DCDC2: variants seen among roughly 807,000 people sequenced by gnomAD.
DCDC2 encodes the protein doublecortin domain containing 2.
Under a neutral mutation model 50.2 loss-of-function variants are expected in DCDC2, and 40 were observed. That is an observed-to-expected ratio of 0.80 (90% CI 0.62 to 1.04). The LOEUF (loss-of-function observed/expected upper bound fraction) is 1.04. Ranked by LOEUF, DCDC2 falls within the 50% of genes least tolerant of loss-of-function variation. The pLI is 0.00. For synonymous variants in DCDC2, 234 were observed against 210.6 expected (o/e 1.11, Z -0.96); for missense variants, 570 against 581.9 (o/e 0.98, Z 0.21).
chr6:24,371,866 GA>G, the DCDC2 span, among the ~76,000 whole-genome samples: 28 of 152,240 alleles, frequency 1.8e-4, no homozygotes, highest in South Asian at 1.0e-3. Flanking sequence ...AAAGACACAT[GA>G]AAAAATGCTC....
intron 1 of DCDC2, among the ~76,000 whole-genome samples, chr6:24,356,723 A>G (rs536042113): frequency 6.6e-6 from 1 of 152,322 alleles, no homozygotes; most frequent in Admixed American, 6.5e-5. Context: ...GAAAGCTCCT[A>G]AAGACAAGGA....
the DCDC2 span, among the ~76,000 whole-genome samples, chr6:24,365,152 G>T: frequency 6.6e-6 from 1 of 152,080 alleles, no homozygotes; most frequent in African/African-American, 2.4e-5. Flanking sequence ...TATATTAACT[G>T]GCTAACTCAT....
At chr6:24,351,298 G>A (rs745436431) in intron 2 of DCDC2, among the ~76,000 whole-genome samples, 6 of 152,200 alleles carry the variant, frequency 3.9e-5, no homozygotes, top group Non-Finnish European at 7.3e-5. Context: ...GACATGTGAA[G>A]TGAGGGAAGT....
At chr6:24,254,343 ATTAGG>A (rs1209703705) in intron 7 of DCDC2, among the ~76,000 whole-genome samples, 2 of 152,236 alleles carry the variant, frequency 1.3e-5, no homozygotes, top group Non-Finnish European at 2.9e-5. Context: ...ATTTTCAAGT[ATTAGG>A]TACTATTCTT....
chr6:24,285,678 T>C (rs1052523271), intron 6 of DCDC2, among the ~76,000 whole-genome samples: 1 of 152,218 alleles, frequency 6.6e-6, no homozygotes, highest in Admixed American at 6.5e-5. Context: ...AAAAATTGCA[T>C]GTGTGTACCT....
intron 8 of DCDC2, among the ~76,000 whole-genome samples, chr6:24,183,948 G>A (rs1474932141): frequency 6.6e-6 from 1 of 152,178 alleles, no homozygotes; most frequent in Non-Finnish European, 1.5e-5. Flanking sequence ...GAAAGGCGGG[G>A]CAAATGGAAG....
rs143979715 is a variant in DCDC2 at position 24,203,266 on chromosome 6, T to G, written c.1023+1736A>C. Among the ~76,000 whole-genome samples the G allele has an allele frequency of 2.4e-3, 368 of 152,290 alleles. 1 individual carries two copies. Among genetic ancestry groups the G allele is most frequent in the African/African-American group, 8.5e-3 (355 of 41,564 alleles). On this transcript the variant is annotated intron_variant, in intron 8 of 9. Coordinates refer to ENST00000378454, the MANE Select transcript of DCDC2 (RefSeq NM_016356.5). ...CAAGGCTACAGTAACCAAAACAGCA[T>G]GATGCTGGTACCAAAACAGATATAT...
rs578198143 is a variant in DCDC2, at chr6:24,270,705, C to A, written c.922+7344G>T. 1.1e-3 allele frequency among the ~76,000 whole-genome samples: 163 copies of A among 152,238 alleles called. 2 individuals are homozygous for A. Among genetic ancestry groups the A allele is most frequent in the Non-Finnish European group, 2.4e-4 (16 of 68,014 alleles). On this transcript the variant is annotated intron_variant, in intron 7 of 9. Coordinates refer to ENST00000378454, the MANE Select transcript of DCDC2 (RefSeq NM_016356.5). ...TGGCTACATCTTCCTCCTCCCTCCA[C>A]CCTGTCACCCTCTATGATAGGCATC...
intron 7 of DCDC2, among the ~76,000 whole-genome samples, chr6:24,240,753 T>C (rs1330335132): frequency 6.6e-6 from 1 of 152,174 alleles, no homozygotes; most frequent in African/African-American, 2.4e-5. Context: ...AAGTAACAGA[T>C]AAAGCTGGGT....
chr6:24,232,024 CACACAT>C (rs10580941), intron 7 of DCDC2, among the ~76,000 whole-genome samples: 66,614 of 140,714 alleles, frequency 0.47, 17,496 homozygotes, highest in Non-Finnish European at 0.59. Context: ...CACACACACA[CACACAT>C]ACACACATAC....
intron 7 of DCDC2, among the ~76,000 whole-genome samples, chr6:24,255,707 C>A (rs1014910135): frequency 2.6e-5 from 4 of 152,054 alleles, no homozygotes; most frequent in African/African-American, 9.7e-5. Flanking sequence ...TCTCATTATT[C>A]ATCAGGAAAT....
intron 7 of DCDC2, among the ~76,000 whole-genome samples, chr6:24,206,133 C>G (rs866089739): frequency 6.6e-6 from 1 of 152,158 alleles, no homozygotes; most frequent in South Asian, 2.1e-4. Flanking sequence ...TATGAAGTCA[C>G]TCTTAATTAA....
rs1322400113 is a variant in DCDC2, at chr6:24,174,295, T to TCA, written c.*433_*434dup. 1 of 153,210 alleles carries TCA rather than the reference T, an allele frequency of 6.5e-6. No individual in the cohort carries two copies. The highest frequency in any genetic ancestry group is 1.5e-5 in the Non-Finnish European group (1 of 68,402). The allele number at this position is 153,210 out of a possible 1,614,324, so 9.5% of individuals were successfully genotyped here. On this transcript the variant is annotated 3_prime_UTR_variant, in exon 10 of 10. Coordinates refer to ENST00000378454, the MANE Select transcript of DCDC2 (RefSeq NM_016356.5). The stretch of plus-strand genomic sequence containing the variant: ...TGTCTGAAAGTAAATCGCAATCTGT[T>TCA]CATTCAAGAGTTTATTGCTTTAAGA...
At chr6:24,198,828 G>T (rs1180020307) in intron 8 of DCDC2, among the ~76,000 whole-genome samples, 1 of 152,158 alleles carries the variant, frequency 6.6e-6, no homozygotes, top group Non-Finnish European at 1.5e-5. Flanking sequence ...TGGGGGGAGG[G>T]ATGTCTGCCA....
intron 4 of DCDC2, among the ~76,000 whole-genome samples, chr6:24,301,278 G>A (rs1360297107): frequency 1.0e-4 from 15 of 150,144 alleles, no homozygotes; most frequent in African/African-American, 3.7e-4. Flanking sequence ...GGCTGAGGCA[G>A]GAGAATGGCG....
At chr6:24,240,809 G>A (rs889634205) in intron 7 of DCDC2, among the ~76,000 whole-genome samples, 8 of 152,152 alleles carry the variant, frequency 5.3e-5, no homozygotes, top group South Asian at 2.1e-4. Flanking sequence ...TTAGGCTATC[G>A]TAACACTTCT....
At chr6:24,366,421 T>G in the DCDC2 span, among the ~76,000 whole-genome samples, 1 of 152,182 alleles carries the variant, frequency 6.6e-6, no homozygotes, top group Non-Finnish European at 1.5e-5. Flanking sequence ...TGCAAACCCC[T>G]ATAAAGTAGC....
chr6:24,210,052 G>GTGTGTGTGTGTC (rs766130050), intron 7 of DCDC2, among the ~76,000 whole-genome samples: 3 of 133,298 alleles, frequency 2.3e-5, no homozygotes, highest in African/African-American at 8.7e-5. Context: ...GTGTGTGTGT[G>GTGTGTGTGTGTC]TGTCTGTCTG....
At chr6:24,322,298 T>C (rs1759786743) in intron 2 of DCDC2, among the ~76,000 whole-genome samples, 1 of 152,186 alleles carries the variant, frequency 6.6e-6, no homozygotes, top group Admixed American at 6.5e-5. Flanking sequence ...TCATAAATTC[T>C]CATCAGATGG....
Sources: allele counts gnomAD v4.1 joint callset (sites outside exome capture counted in the v4.1 genomes callset), GRCh38; gene constraint gnomAD v4.1.1; transcripts MANE v1.5; gene names NCBI Gene and HGNC (gene_info 2026-07-23, HGNC 2026-07-21).